The following DCC variants were observed in gnomAD, a reference collection of about 807,000 sequenced individuals.
DCC encodes the protein DCC netrin 1 receptor, also known as netrin receptor DCC.
DCC carries 58 observed loss-of-function variants against 172.5 expected under a neutral mutation model. The ratio of observed to expected loss-of-function variants is 0.34; its 90% CI spans 0.27 to 0.42. The LOEUF is 0.42. Among genes scored for constraint, DCC ranks in the 10% least tolerant of loss-of-function variants. The pLI is 1.00. For synonymous variants in DCC, 709 were observed against 644.5 expected, an observed-to-expected ratio of 1.10 and a Z score of -1.52; for missense variants, 1,740 against 1,791.0, an observed-to-expected ratio of 0.97 and a Z score of 0.51.
At chr18:52,700,193 CACGCACAT>C (rs1402507577) in intron 1 of DCC, among the ~76,000 whole-genome samples, 3 of 147,844 alleles carry the variant, frequency 2.0e-5, no homozygotes, top group Admixed American at 6.8e-5. Context: ...CACGCACACA[CACGCACAT>C]ACACACATGC....
At chr18:53,097,587 T>A (rs7238021) in intron 7 of DCC, among the ~76,000 whole-genome samples, 23,715 of 152,088 alleles carry the variant, frequency 0.16, 2,317 homozygotes, top group African/African-American at 0.27. Flanking sequence ...TCAAAACGTA[T>A]CTGGTCTTTA....
chr18:52,536,088 G>A (rs2032280339), intron 1 of DCC, among the ~76,000 whole-genome samples: 1 of 152,150 alleles, frequency 6.6e-6, no homozygotes, highest in Non-Finnish European at 1.5e-5. Context: ...AAAAAGCATG[G>A]CATTTTCAAG....
intron 2 of DCC, among the ~76,000 whole-genome samples, chr18:52,763,370 C>T (rs1003711015): frequency 1.2e-4 from 18 of 152,158 alleles, no homozygotes; most frequent in African/African-American, 4.1e-4. Flanking sequence ...AAGGCTGAAA[C>T]ATGACATAAA....
chr18:53,254,488 CTTCAGTCCCA>C (rs2056479761), intron 12 of DCC, among the ~76,000 whole-genome samples: 1 of 152,016 alleles, frequency 6.6e-6, no homozygotes, highest in Non-Finnish European at 1.5e-5. Flanking sequence ...TCAGGGCCCA[CTTCAGTCCCA>C]TTGAATCCCT....
At chr18:52,800,022 TGTC>T (rs1226460975) in intron 2 of DCC, among the ~76,000 whole-genome samples, 1 of 152,214 alleles carries the variant, frequency 6.6e-6, no homozygotes, top group African/African-American at 2.4e-5. Context: ...ACGTAGTAGT[TGTC>T]AACAAACATT....
At chr18:52,543,885 C>A (rs901515592) in intron 1 of DCC, among the ~76,000 whole-genome samples, 1 of 152,214 alleles carries the variant, frequency 6.6e-6, no homozygotes, top group Non-Finnish European at 1.5e-5. Flanking sequence ...TCTGTAGTAG[C>A]TGCAAACTGC....
intron 12 of DCC, among the ~76,000 whole-genome samples, chr18:53,217,294 C>T (rs1362776332): frequency 8.6e-6 from 1 of 115,626 alleles, no homozygotes; most frequent in East Asian, 2.5e-4. Context: ...CACACACACA[C>T]ACACACATAT....
At chr18:53,289,520 A>T (rs1442212716) in intron 12 of DCC, among the ~76,000 whole-genome samples, 1 of 152,112 alleles carries the variant, frequency 6.6e-6, no homozygotes, top group African/African-American at 2.4e-5. Context: ...AGAATCAATC[A>T]TGTTCTTCAA....
In DCC at chr18:53,063,381, C is replaced by T. The variant is rs141716650; in HGVS notation, c.1062C>T (p.Val354=). ...ESMDIEFECT[V]SGKPVPTVNW... ...TGGATATTGAGTTTGAATGTACAGT[C>T]TCTGGAAAGCCTGTGCCCACTGTGA... is the stretch of plus-strand genomic sequence containing the variant. The change falls in exon 6 of 29, where the codon GTC becomes GTT. Residue 354 remains valine, a synonymous_variant. Transcript: ENST00000442544. 6.0e-3 allele frequency: 9,692 copies of T among 1,612,536 alleles called. 63 individuals are homozygous for T. Among genetic ancestry groups the T allele is most frequent in the Middle Eastern group, 0.028 (170 of 6,052 alleles).
intron 1 of DCC, among the ~76,000 whole-genome samples, chr18:52,497,295 A>ATATATATATGTGTG (rs2030818334): frequency 1.8e-5 from 1 of 55,000 alleles, no homozygotes; most frequent in Non-Finnish European, 4.0e-5. Context: ...ATATATATAT[A>ATATATATATGTGTG]TATATATATA....
chr18:53,271,875 T>C (rs1213557890), intron 12 of DCC, among the ~76,000 whole-genome samples: 1 of 152,156 alleles, frequency 6.6e-6, no homozygotes, highest in Non-Finnish European at 1.5e-5. Context: ...TATGAAGTAA[T>C]AACAGATCAC....
At chr18:52,511,826 A>G (rs2031452487) in intron 1 of DCC, among the ~76,000 whole-genome samples, 1 of 152,184 alleles carries the variant, frequency 6.6e-6, no homozygotes, top group Admixed American at 6.5e-5. Flanking sequence ...GGGAACACAG[A>G]GAGTTTCATT....
At chr18:52,578,837 A>G (rs2033478732) in intron 1 of DCC, among the ~76,000 whole-genome samples, 1 of 152,072 alleles carries the variant, frequency 6.6e-6, no homozygotes, top group Non-Finnish European at 1.5e-5. Flanking sequence ...TCTCTACTAA[A>G]AATACAAAAA....
intron 2 of DCC, among the ~76,000 whole-genome samples, chr18:52,804,636 C>T (rs968889396): frequency 1.3e-5 from 2 of 152,126 alleles, no homozygotes; most frequent in African/African-American, 2.4e-5. Flanking sequence ...GTGCGATCTC[C>T]GCTTACTGCA....
chr18:52,898,013 A>G (rs980828968), intron 2 of DCC, among the ~76,000 whole-genome samples: 14 of 152,322 alleles, frequency 9.2e-5, no homozygotes, highest in Non-Finnish European at 2.1e-4. Context: ...GCTTGCCTCT[A>G]TTCTCTGCCT....
intron 26 of DCC, among the ~76,000 whole-genome samples, chr18:53,489,942 TAGATAG>T (rs2045942583): frequency 6.6e-6 from 1 of 152,178 alleles, no homozygotes; most frequent in Non-Finnish European, 1.5e-5. Context: ...CTTCAACCAA[TAGATAG>T]TCTTGGGGCC....
At chr18:53,328,416 T>G (rs2057492671) in intron 14 of DCC, among the ~76,000 whole-genome samples, 1 of 152,222 alleles carries the variant, frequency 6.6e-6, no homozygotes, top group South Asian at 2.1e-4. Flanking sequence ...TCACAGTGGG[T>G]TTTTGTGAGA....
intron 27 of DCC, among the ~76,000 whole-genome samples, chr18:53,518,009 C>A (rs984227525): frequency 3.9e-5 from 6 of 152,062 alleles, no homozygotes; most frequent in African/African-American, 1.4e-4. Context: ...TTCTCCCATG[C>A]CCTCAAAAGT....
intron 1 of DCC, among the ~76,000 whole-genome samples, chr18:52,431,683 G>A (rs778405867): frequency 2.6e-5 from 4 of 152,156 alleles, no homozygotes; most frequent in Non-Finnish European, 4.4e-5. Context: ...ACAGTGAAGG[G>A]TCGTAGCTCC....
Sources: allele counts gnomAD v4.1 joint callset (sites outside exome capture counted in the v4.1 genomes callset), GRCh38; gene constraint gnomAD v4.1.1; transcripts MANE v1.5; gene names NCBI Gene and HGNC (gene_info 2026-07-23, HGNC 2026-07-21).